The following PIWIL2 variants were observed in gnomAD, a reference collection of about 807,000 sequenced individuals.
The protein encoded by PIWIL2 is piwi-like protein 2.
PIWIL2 carries 81 observed loss-of-function variants against 116.5 expected under a neutral mutation model. The observed-to-expected ratio is 0.70, with a 90% CI of 0.58 to 0.84. The LOEUF (loss-of-function observed/expected upper bound fraction) is 0.84. PIWIL2 is among the 40% of genes least tolerant of loss of function. The pLI is 0.00. For synonymous variants in PIWIL2, 489 were observed against 429.5 expected (o/e 1.14, Z -1.71); for missense variants, 1,272 against 1,212.3 (o/e 1.05, Z -0.73).
chr8:22,353,577 G>T (rs1288904798), intron 21 of PIWIL2, among the ~76,000 whole-genome samples: 1 of 152,042 alleles, frequency 6.6e-6, no homozygotes, highest in African/African-American at 2.4e-5. Context: ...GAACCTAGGA[G>T]GCGGAGGTTG....
In PIWIL2 at chr8:22,305,956, T is replaced by C. The variant is rs564852667; in HGVS notation, c.1485T>C (p.Pro495=). The C allele has an allele frequency of 6.2e-7, 1 of 1,613,284 alleles. No homozygotes were observed. The highest frequency in any genetic ancestry group is 2.2e-5 in the East Asian group (1 of 44,874). The change falls in exon 13 of 23, where the codon CCT becomes CCC. Residue 495 remains proline (P), a synonymous_variant. Coordinates refer to ENST00000356766, the MANE Select transcript of PIWIL2 (RefSeq NM_018068.5). ...TAAAAGGGGAAATCCTGCTGCTGCC[T>C]GAGCTTTCTTTTATGACCGGAATCC... The part of the protein sequence containing the change: ...MLLKGEILLL[P]ELSFMTGIPE...
intron 20 of PIWIL2, among the ~76,000 whole-genome samples, chr8:22,330,708 A>T: frequency 8.3e-6 from 1 of 120,688 alleles, no homozygotes; most frequent in African/African-American, 5.6e-5. Flanking sequence ...AAATAAATAA[A>T]TAAATAAATA....
chr8:22,324,356 C>A (rs1831674781), intron 20 of PIWIL2, among the ~76,000 whole-genome samples: 1 of 152,146 alleles, frequency 6.6e-6, no homozygotes, highest in African/African-American at 2.4e-5. Context: ...TTTATACCCC[C>A]ACCTTTCCAC....
chr8:22,355,382 T>C lies in PIWIL2; in HGVS notation c.2799T>C (p.Asn933=), dbSNP rs775382714. 1 of 1,614,186 alleles carries C rather than the reference T, an allele frequency of 6.2e-7. No individual in the cohort carries two copies. Among genetic ancestry groups the C allele is most frequent in the Non-Finnish European group, 8.5e-7 (1 of 1,180,010 alleles). ...TCAAACTGTGCCACATGTACTGGAA[T>C]TGGCCTGGCACCATCAGAGTTCCAG... ...LTFKLCHMYW[N]WPGTIRVPAP... The change falls in exon 23 of 23, where the codon AAT becomes AAC. Residue 933 remains asparagine, a synonymous_variant. Coordinates refer to ENST00000356766, the MANE Select transcript of PIWIL2 (RefSeq NM_018068.5).
At position 22,281,146 on chromosome 8, in the gene PIWIL2, C is replaced by T; in HGVS notation, c.225C>T (p.Phe75=). The change falls in exon 3 of 23, where the codon TTC becomes TTT. Residue 75 remains phenylalanine, a synonymous_variant. Transcript: ENST00000356766. Reference sequence around the variant, plus strand: ...AGTCTGTGGGTTTGGTCTCCATGTTCCGAGGCCTGGGCATTGAAACAGTTT... The same window carrying T: ...AGTCTGTGGGTTTGGTCTCCATGTTTCGAGGCCTGGGCATTGAAACAGTTT... ...QRESVGLVSM[F]RGLGIETVSK... is the part of the protein sequence containing the mutation. The T allele has an allele frequency of 1.9e-6, 3 of 1,612,614 alleles. No homozygotes were observed. In the Admixed American group the frequency reaches 5.0e-5, roughly 27 times the overall value.
intron 11 of PIWIL2, 104 bp from the exon 12 acceptor site, chr8:22,304,680 A>G (rs1831132877): frequency 1.5e-6 from 1 of 650,046 alleles, no homozygotes; most frequent in Non-Finnish European, 2.8e-6. Context: ...CAAGAGTATT[A>G]TGCAAATTAT....
intron 20 of PIWIL2, 69 bp downstream of exon 20, chr8:22,318,344 T>G: frequency 1.2e-6 from 1 of 858,922 alleles, no homozygotes; most frequent in Non-Finnish European, 1.9e-6. Context: ...TGAGACAGAG[T>G]CTCACTCTTG....
chr8:22,335,543 C>CT (rs59166171), intron 20 of PIWIL2, among the ~76,000 whole-genome samples: 2,438 of 92,170 alleles, frequency 0.026, 69 homozygotes, highest in Non-Finnish European at 0.03. Flanking sequence ...ACAAAATAGA[C>CT]TTTTTTTTTT....
intron 12 of PIWIL2, 115 bp from the exon 13 acceptor site, chr8:22,305,811 CT>C: frequency 1.4e-6 from 1 of 721,026 alleles, no homozygotes. Context: ...TTTTATACTC[CT>C]TAGTGCGCAA....
chr8:22,276,026 C>G (rs1285487522), intron 1 of PIWIL2: 1 of 152,278 alleles, frequency 6.6e-6, no homozygotes, highest in Non-Finnish European at 1.5e-5. Context: ...TCCAGCGCTT[C>G]TGAGTATGTA....
intron 20 of PIWIL2, among the ~76,000 whole-genome samples, chr8:22,337,256 A>C (rs1832000724): frequency 6.6e-6 from 1 of 152,160 alleles, no homozygotes; most frequent in South Asian, 2.1e-4. Context: ...AAAATCCTGA[A>C]GAGTACACAC....
intron 14 of PIWIL2, among the ~76,000 whole-genome samples, chr8:22,309,092 G>A (rs1423718189): frequency 1.3e-5 from 2 of 152,122 alleles, no homozygotes; most frequent in African/African-American, 4.8e-5. Context: ...TTCCCAAGTA[G>A]CTGGGATTAC....
intron 1 of PIWIL2, among the ~76,000 whole-genome samples, chr8:22,277,651 A>C (rs1830408313): frequency 6.6e-6 from 1 of 151,390 alleles, no homozygotes; most frequent in African/African-American, 2.4e-5. Context: ...GATTACAGGC[A>C]TGAACCACTG....
At chr8:22,334,914 G>A (rs1378678336) in intron 20 of PIWIL2, among the ~76,000 whole-genome samples, 1 of 151,950 alleles carries the variant, frequency 6.6e-6, no homozygotes, top group African/African-American at 2.4e-5. Flanking sequence ...AATTAGGTGG[G>A]CGTGGTGGCG....
At chr8:22,353,473 A>G (rs1009369438) in intron 21 of PIWIL2, among the ~76,000 whole-genome samples, 1 of 152,094 alleles carries the variant, frequency 6.6e-6, no homozygotes, top group Non-Finnish European at 1.5e-5. Context: ...ACATGGTGAA[A>G]CCCTGTCTAC....
In PIWIL2 at chr8:22,353,085, C is replaced by T. The variant is rs1832409749; in HGVS notation, c.2530C>T (p.Gln844Ter). ...GTGTTTTGAAGCTTTTGAGAATTATCAGCCCAAGATGGTGGTGTTTGTAGT... is the reference window on the plus strand; with the variant it reads ...GTGTTTTGAAGCTTTTGAGAATTATTAGCCCAAGATGGTGGTGTTTGTAGT... ...QKCFEAFENY[Q>*]PKMVVFVVQK... The change falls in exon 21 of 23, where the codon CAG (glutamine) becomes TAG (stop). Residue 844 changes from glutamine (Q) to a stop codon, truncating the protein, a stop_gained. Coordinates refer to ENST00000356766, the MANE Select transcript of PIWIL2 (RefSeq NM_018068.5). LOFTEE classifies it high-confidence loss of function. 6.2e-7 allele frequency: 1 copy of T among 1,614,060 alleles called. No individual in the cohort carries two copies.
intron 7 of PIWIL2, among the ~76,000 whole-genome samples, chr8:22,288,083 G>C (rs565476725): frequency 6.6e-6 from 1 of 152,258 alleles, no homozygotes; most frequent in African/African-American, 2.4e-5. Flanking sequence ...TGGATCACGA[G>C]GTCACGAGAT....
intron 2 of PIWIL2, among the ~76,000 whole-genome samples, chr8:22,280,193 A>C (rs1356658119): frequency 6.6e-6 from 1 of 152,106 alleles, no homozygotes; most frequent in Non-Finnish European, 1.5e-5. Context: ...TAAAGGTACA[A>C]TCTCTTGTTG....
intron 14 of PIWIL2, 38 bp from the exon 15 acceptor site, chr8:22,309,922 GA>G: frequency 8.0e-7 from 1 of 1,246,788 alleles, no homozygotes; most frequent in Non-Finnish European, 1.2e-6. Context: ...AATAGCGTTT[GA>G]AAAGGCTCAT....
Sources: allele counts gnomAD v4.1 joint callset (sites outside exome capture counted in the v4.1 genomes callset), GRCh38; gene constraint gnomAD v4.1.1; transcripts MANE v1.5; gene names NCBI Gene and HGNC (gene_info 2026-07-23, HGNC 2026-07-21).